Variants in KIRREL3 observed in about 807,000 individuals in gnomAD.
KIRREL3 encodes kirre like nephrin family adhesion molecule 3, also known as kin of IRRE-like protein 3.
KIRREL3 carries 36 observed loss-of-function variants against 89.7 expected under a neutral mutation model. That is an observed-to-expected ratio of 0.40 (90% confidence interval 0.31 to 0.53). The LOEUF (loss-of-function observed/expected upper bound fraction) is 0.53, where lower values mean the gene tolerates loss of function less well. Ranked by LOEUF, KIRREL3 falls within the 20% of genes least tolerant of loss-of-function variation. The pLI is 0.49. For synonymous variants in KIRREL3, 445 were observed against 441.4 expected, an observed-to-expected ratio of 1.01 and a Z score of -0.10; for missense variants, 864 against 1,056.6, an observed-to-expected ratio of 0.82 and a Z score of 2.53.
chr11:126,675,655 G>T (rs1263089952), intron 1 of KIRREL3, among the ~76,000 whole-genome samples: 1 of 152,220 alleles, frequency 6.6e-6, no homozygotes, highest in Admixed American at 6.5e-5. Flanking sequence ...CAAAGAGCCT[G>T]CTTCCTGGAT....
intron 4 of KIRREL3, among the ~76,000 whole-genome samples, chr11:126,517,659 C>T (rs377265442): frequency 3.3e-5 from 5 of 152,292 alleles, no homozygotes; most frequent in Admixed American, 1.3e-4. Context: ...TCGGTCACTG[C>T]GCCAATCTTG....
At position 126,430,874 on chromosome 11, in the gene KIRREL3, C is replaced by T. The variant is rs1371799872; in HGVS notation, c.1696+545G>A. 5 of 611,222 alleles carry T rather than the reference C, an allele frequency of 8.2e-6. No individual in the cohort carries two copies. The highest frequency in any genetic ancestry group is 2.0e-5 in the African/African-American group (1 of 49,972). The allele number at this position is 611,222 out of a possible 1,614,324, so 37.9% of individuals were successfully genotyped here. On this transcript the variant is annotated intron_variant, in intron 14 of 16. Transcript: ENST00000525144. The surrounding 1 kb of genome is among the most constrained non-coding windows in gnomAD (Gnocchi z 6.6). Reference sequence around the variant, plus strand: ...TCCAATCTCTCACACGTTATCTCCTCGGTGCACGCAATTCTTCAAGCGTGC... The same window carrying T: ...TCCAATCTCTCACACGTTATCTCCTTGGTGCACGCAATTCTTCAAGCGTGC...
At position 126,568,173 on chromosome 11, in the gene KIRREL3, T is replaced by C. The variant is rs1940657312; in HGVS notation, c.56-5261A>G. ...CAGATCCTGGAGTAGCCAATGAGCC[T>C]CACCCAGGAGTCTGGGCTCTCTCTT... On this transcript the variant is annotated intron_variant, in intron 1 of 16. Coordinates refer to ENST00000525144, the MANE Select transcript of KIRREL3 (RefSeq NM_032531.4). The surrounding 1 kb of genome is among the most constrained non-coding windows in gnomAD (Gnocchi z 4.6). Among the ~76,000 whole-genome samples, 1 of 152,064 alleles carries C rather than the reference T, an allele frequency of 6.6e-6. No individual in the cohort carries two copies. Among genetic ancestry groups the C allele is most frequent in the African/African-American group, 2.4e-5 (1 of 41,432 alleles).
Position 126,535,215 on chromosome 11 carries a change from C to A in KIRREL3, c.134-8528G>T, listed in dbSNP as rs537418270. ...CCTCCTGACTGCTCTTCCCAAAAGC[C>A]CCCTCTAGATTTCCCTCCTGCGCTT... is the stretch of plus-strand genomic sequence containing the variant. On this transcript the variant is annotated intron_variant, in intron 2 of 16. Coordinates refer to ENST00000525144, the MANE Select transcript of KIRREL3 (RefSeq NM_032531.4). This position sits in a 1 kb window ranked among gnomAD's most constrained non-coding sequence, Gnocchi z 4.5. 6.6e-6 allele frequency among the ~76,000 whole-genome samples: 1 copy of A among 152,228 alleles called. No individual in the cohort carries two copies. The highest frequency in any genetic ancestry group is 1.5e-5 in the Non-Finnish European group (1 of 68,016).
At chr11:126,836,597 T>C (rs999046490) in intron 1 of KIRREL3, among the ~76,000 whole-genome samples, 3 of 152,170 alleles carry the variant, frequency 2.0e-5, no homozygotes, top group African/African-American at 4.8e-5. Flanking sequence ...AATGAAACAA[T>C]GTGGTAGCAA....
intron 2 of KIRREL3, among the ~76,000 whole-genome samples, chr11:126,545,467 G>T (rs1489208614): frequency 3.3e-5 from 5 of 152,062 alleles, no homozygotes; most frequent in African/African-American, 1.2e-4. Context: ...GAGATGAATA[G>T]GGATGGAAAT....
At chr11:126,951,364 C>T (rs1300844439) in intron 1 of KIRREL3, among the ~76,000 whole-genome samples, 1 of 152,130 alleles carries the variant, frequency 6.6e-6, no homozygotes, top group Non-Finnish European at 1.5e-5. Context: ...AGAACATATG[C>T]TTTAGAGGGG....
intron 1 of KIRREL3, among the ~76,000 whole-genome samples, chr11:126,920,991 G>A (rs1947252255): frequency 1.3e-5 from 2 of 152,208 alleles, no homozygotes; most frequent in Admixed American, 1.3e-4. Flanking sequence ...GTCTGTGTGA[G>A]TGTTTCAGGA....
At chr11:126,524,976 A>G (rs1018926253) in intron 3 of KIRREL3, among the ~76,000 whole-genome samples, 1 of 152,192 alleles carries the variant, frequency 6.6e-6, no homozygotes, top group Non-Finnish European at 1.5e-5. Flanking sequence ...TTGGCTCTGT[A>G]TGGAGAGGCA....
intron 6 of KIRREL3, among the ~76,000 whole-genome samples, chr11:126,457,263 G>A (rs1436934095): frequency 7.2e-6 from 1 of 138,972 alleles, no homozygotes; most frequent in African/African-American, 2.5e-5. Context: ...ATGTGTGTAT[G>A]CATGTGTGTG....
chr11:126,436,032 T>G (rs1052779710), intron 12 of KIRREL3, among the ~76,000 whole-genome samples: 6 of 152,158 alleles, frequency 3.9e-5, no homozygotes, highest in Non-Finnish European at 8.8e-5. Context: ...TCCGTGCCCC[T>G]CCAAGGCTCC....
rs1270365628 is a variant in KIRREL3, at chr11:126,501,383, C to T, written c.433+19932G>A. The stretch of plus-strand genomic sequence containing the variant: ...CAGAGGGAGAGGAGCCAGCTTGGGG[C>T]CTGGGGTGCAGTCTTAGAGACTAAG... On this transcript the variant is annotated intron_variant, in intron 4 of 16. Coordinates refer to ENST00000525144, the MANE Select transcript of KIRREL3 (RefSeq NM_032531.4). The surrounding 1 kb of genome is among the most constrained non-coding windows in gnomAD (Gnocchi z 5.8). Among the ~76,000 whole-genome samples, 2 of 152,150 alleles carry T rather than the reference C, an allele frequency of 1.3e-5. No individual in the cohort carries two copies. Among genetic ancestry groups the T allele is most frequent in the African/African-American group, 4.8e-5 (2 of 41,426 alleles).
Position 126,879,447 on chromosome 11 carries a change from C to G in KIRREL3, c.55+121008G>C, listed in dbSNP as rs1164560847. ...ATGAGGTTGCAGTTGCTCCTGGGCC[C>G]CAGCTGATTTGATGTCATGCCGTTA... On this transcript the variant is annotated intron_variant, in intron 1 of 16. Coordinates refer to ENST00000525144, the MANE Select transcript of KIRREL3 (RefSeq NM_032531.4). This position sits in a 1 kb window ranked among gnomAD's most constrained non-coding sequence, Gnocchi z 5.4. 6.6e-6 allele frequency among the ~76,000 whole-genome samples: 1 copy of G among 152,152 alleles called. No individual in the cohort carries two copies. The highest frequency in any genetic ancestry group is 1.5e-5 in the Non-Finnish European group (1 of 68,016).
At chr11:126,503,020 C>T (rs1314712209) in intron 4 of KIRREL3, among the ~76,000 whole-genome samples, 2 of 152,198 alleles carry the variant, frequency 1.3e-5, no homozygotes, top group African/African-American at 2.4e-5. Context: ...AAAAGCTTTG[C>T]AGCGCTTAAG....
At chr11:126,728,795 G>A (rs946747454) in intron 1 of KIRREL3, among the ~76,000 whole-genome samples, 4 of 152,162 alleles carry the variant, frequency 2.6e-5, no homozygotes, top group African/African-American at 9.7e-5. Context: ...CTTCTGTGTT[G>A]GCTCCATGGC....
rs537160569 is a variant in KIRREL3, at chr11:126,891,779, G to A, written c.55+108676C>T. Reference sequence around the variant, plus strand: ...ATGGGCAGGGCTGGGGTCAGACTCCGGTGACAGCAGCAGTGGACACAATCC... The same window carrying A: ...ATGGGCAGGGCTGGGGTCAGACTCCAGTGACAGCAGCAGTGGACACAATCC... On this transcript the variant is annotated intron_variant, in intron 1 of 16. Transcript: ENST00000525144. The surrounding 1 kb of genome is among the most constrained non-coding windows in gnomAD (Gnocchi z 5.1). 2.0e-5 allele frequency among the ~76,000 whole-genome samples: 3 copies of A among 152,328 alleles called. No individual in the cohort carries two copies. Among genetic ancestry groups the A allele is most frequent in the South Asian group, 2.1e-4 (1 of 4,824 alleles).
At chr11:126,789,298 A>T (rs1950568848) in intron 1 of KIRREL3, among the ~76,000 whole-genome samples, 1 of 151,212 alleles carries the variant, frequency 6.6e-6, no homozygotes, top group Admixed American at 6.6e-5. Context: ...CTTCTCAAGG[A>T]CTCCCTCCCT....
chr11:126,840,767 T>C (rs1352028417), intron 1 of KIRREL3, among the ~76,000 whole-genome samples: 2 of 152,192 alleles, frequency 1.3e-5, no homozygotes, highest in Non-Finnish European at 2.9e-5. Context: ...AGTAGCCCTC[T>C]GGGTTTTCAG....
In KIRREL3 at chr11:126,969,489, G is replaced by A. The variant is rs1424037079; in HGVS notation, c.55+30966C>T. Among the ~76,000 whole-genome samples the A allele has an allele frequency of 6.6e-6, 1 of 152,190 alleles. No individual in the cohort carries two copies. Among genetic ancestry groups the A allele is most frequent in the Non-Finnish European group, 1.5e-5 (1 of 68,024 alleles). Reference sequence around the variant, plus strand: ...AAGAATGAACAGGTGTGAACCAGGGGAAGAGGGAGTAAGAACGTCTCCTGA... The same window carrying A: ...AAGAATGAACAGGTGTGAACCAGGGAAAGAGGGAGTAAGAACGTCTCCTGA... On this transcript the variant is annotated intron_variant, in intron 1 of 16. Transcript: ENST00000525144. The surrounding 1 kb of genome is among the most constrained non-coding windows in gnomAD (Gnocchi z 4.9).
Sources: gnomAD v4.1 joint callset for allele counts (sites outside exome capture counted in the v4.1 genomes callset) on GRCh38, gnomAD v4.1.1 for gene constraint, Gnocchi (gnomAD v3.1) non-coding constraint, MANE v1.5 for transcripts, NCBI Gene and HGNC (gene_info 2026-07-23, HGNC 2026-07-21) for gene names.